The following CMPK1 variants were observed in gnomAD, a reference collection of about 807,000 sequenced individuals.
CMPK1 encodes the protein UMP-CMP kinase.
In CMPK1, 10 loss-of-function variants were observed where a neutral mutation model predicts 25.7. That is an observed-to-expected ratio of 0.39 (90% CI 0.24 to 0.66). The LOEUF (loss-of-function observed/expected upper bound fraction) is 0.66, where lower values mean the gene tolerates loss of function less well. Among genes scored for constraint, CMPK1 ranks in the 30% least tolerant of loss-of-function variants. CMPK1 has a pLI of 0.48. For missense variants in CMPK1, 199 were observed against 280.5 expected (o/e 0.71, Z 2.08); for synonymous variants, 106 against 101.5 (o/e 1.04, Z -0.27).
At chr1:47,356,149 G>C (rs1646559349) in intron 1 of CMPK1, among the ~76,000 whole-genome samples, 1 of 152,008 alleles carries the variant, frequency 6.6e-6, no homozygotes, top group Admixed American at 6.6e-5. Context: ...TACTTGTTTT[G>C]TGTTTTAGAA....
intron 1 of CMPK1, among the ~76,000 whole-genome samples, chr1:47,335,980 C>G (rs1481442720): frequency 6.6e-6 from 1 of 152,024 alleles, no homozygotes; most frequent in African/African-American, 2.4e-5. Context: ...CCAGGCTGAT[C>G]TCGAACTCTT....
chr1:47,354,411 TA>T (rs1315911869), intron 1 of CMPK1, among the ~76,000 whole-genome samples: 1 of 151,972 alleles, frequency 6.6e-6, no homozygotes, highest in African/African-American at 2.4e-5. Context: ...GTGTATATTG[TA>T]AAAAAAATTC....
chr1:47,366,222 T>C (rs1245706361), intron 1 of CMPK1, among the ~76,000 whole-genome samples: 1 of 152,188 alleles, frequency 6.6e-6, no homozygotes, highest in African/African-American at 2.4e-5. Flanking sequence ...TTTAGTTCAA[T>C]AGTAGCTTGT....
At chr1:47,351,222 A>G (rs986418119) in intron 1 of CMPK1, among the ~76,000 whole-genome samples, 3 of 151,926 alleles carry the variant, frequency 2.0e-5, no homozygotes, top group Non-Finnish European at 2.9e-5. Flanking sequence ...TGGGACTACA[A>G]GCACATGCCA....
At chr1:47,352,469 C>T (rs1455646127) in intron 1 of CMPK1, among the ~76,000 whole-genome samples, 7 of 148,124 alleles carry the variant, frequency 4.7e-5, no homozygotes, top group East Asian at 2.1e-4. Context: ...TATAGTGCCA[C>T]GAGTTGGGAG....
chr1:47,344,496 A>C (rs1646468345), intron 1 of CMPK1, among the ~76,000 whole-genome samples: 1 of 150,798 alleles, frequency 6.6e-6, no homozygotes, highest in Non-Finnish European at 1.5e-5. Context: ...AATTATTATT[A>C]TTTTTTCTTT....
intron 1 of CMPK1, among the ~76,000 whole-genome samples, chr1:47,363,660 A>G (rs371128928): frequency 2.0e-5 from 3 of 150,438 alleles, no homozygotes; most frequent in Admixed American, 6.6e-5. Flanking sequence ...ACAAACAAAC[A>G]AAAAACAGGC....
rs181963933 is a variant in CMPK1 at position 47,376,684 on chromosome 1, A to G, written c.646-20A>G. The G allele has an allele frequency of 1.0e-4, 158 of 1,520,252 alleles. 1 individual carries two copies. The Middle Eastern group carries it at 1.4e-3, about 14-fold the overall frequency. The allele number at this position is 1,520,252 out of a possible 1,614,324, so 94.2% of individuals were successfully genotyped here. A position where few individuals can be genotyped will look rare whatever the true frequency, so the allele number is the denominator to read the frequency against. On this transcript the variant is annotated intron_variant, in intron 5 of 5. Coordinates refer to ENST00000371873, the MANE Select transcript of CMPK1 (RefSeq NM_016308.3). ...AACAGTACCTGCTTTTAAAATTATTATCATCTTTTTCCTTTACAGGTTTTT... is the reference window on the plus strand; with the variant it reads ...AACAGTACCTGCTTTTAAAATTATTGTCATCTTTTTCCTTTACAGGTTTTT...
At chr1:47,341,876 C>T (rs1441785323) in intron 1 of CMPK1, among the ~76,000 whole-genome samples, 2 of 151,960 alleles carry the variant, frequency 1.3e-5, no homozygotes, top group Non-Finnish European at 2.9e-5. Flanking sequence ...CCACCTCAGT[C>T]TCCCAAAGTG....
At chr1:47,375,097 T>A (rs780323509) in intron 4 of CMPK1, 100 bp from the exon 5 acceptor site, 1 of 1,254,100 alleles carries the variant, frequency 8.0e-7, no homozygotes, top group Non-Finnish European at 1.2e-6. Flanking sequence ...AGATGTTAGG[T>A]CAATCAGTCG....
chr1:47,363,091 T>C (rs1646614600), intron 1 of CMPK1, among the ~76,000 whole-genome samples: 1 of 152,194 alleles, frequency 6.6e-6, no homozygotes, highest in South Asian at 2.1e-4. Context: ...ATTACAGATG[T>C]TCCTCAACTT....
rs1311772540 is a variant in CMPK1, at chr1:47,368,324, A to AT, written c.172-140dup. On this transcript the variant is annotated intron_variant, in intron 1 of 5. Coordinates refer to ENST00000371873, the MANE Select transcript of CMPK1 (RefSeq NM_016308.3). ...AACTGGATTATGGGAAATATCTTAA[A>AT]TTTTTCTTTATTATTTAATATACAA... 2.1e-5 allele frequency: 12 copies of AT among 566,252 alleles called. No individual in the cohort carries two copies. The East Asian group carries it at 3.9e-4, about 19-fold the overall frequency. The allele number at this position is 566,252 out of a possible 1,614,324, so 35.1% of individuals were successfully genotyped here. A position where few individuals can be genotyped will look rare whatever the true frequency, so the allele number is the denominator to read the frequency against.
At chr1:47,353,497 A>C (rs1274864344) in intron 1 of CMPK1, among the ~76,000 whole-genome samples, 2 of 152,172 alleles carry the variant, frequency 1.3e-5, no homozygotes, top group Non-Finnish European at 2.9e-5. Flanking sequence ...GCAGTTCACC[A>C]ATATGTCTCC....
chr1:47,340,583 A>T (rs1646434427), intron 1 of CMPK1, among the ~76,000 whole-genome samples: 2 of 152,200 alleles, frequency 1.3e-5, no homozygotes, highest in Non-Finnish European at 2.9e-5. Flanking sequence ...TAGATAGGAA[A>T]ATCCACTGGA....
At chr1:47,367,047 A>C (rs1207448514) in intron 1 of CMPK1, among the ~76,000 whole-genome samples, 2 of 152,076 alleles carry the variant, frequency 1.3e-5, no homozygotes, top group South Asian at 2.1e-4. Flanking sequence ...CTTTTAAAAA[A>C]AAAGTTTAAT....
At chr1:47,369,978 G>C (rs1385886715) in intron 2 of CMPK1, among the ~76,000 whole-genome samples, 2 of 140,520 alleles carry the variant, frequency 1.4e-5, no homozygotes, top group Admixed American at 1.5e-4. Flanking sequence ...GCAGTGGCGT[G>C]AACTCGGCTC....
At chr1:47,344,323 GA>G (rs1238894184) in intron 1 of CMPK1, among the ~76,000 whole-genome samples, 7 of 151,966 alleles carry the variant, frequency 4.6e-5, no homozygotes, top group African/African-American at 1.7e-4. Flanking sequence ...TTGGGAGATG[GA>G]AAAACGCTTA....
chr1:47,358,393 A>G, intron 1 of CMPK1: 1 of 1,275,656 alleles, frequency 7.8e-7, no homozygotes, highest in Non-Finnish European at 1.0e-6. Context: ...GATTACAGGC[A>G]TGAGCCACAG....
At chr1:47,370,855 G>A (rs1285079246) in intron 2 of CMPK1, among the ~76,000 whole-genome samples, 1 of 151,918 alleles carries the variant, frequency 6.6e-6, no homozygotes, top group Non-Finnish European at 1.5e-5. Context: ...GGAGGCTGAG[G>A]CAGGAGAATT....
Sources: allele counts gnomAD v4.1 joint callset (sites outside exome capture counted in the v4.1 genomes callset), GRCh38; gene constraint gnomAD v4.1.1; transcripts MANE v1.5; gene names NCBI Gene and HGNC (gene_info 2026-07-23, HGNC 2026-07-21).